The following SLC22A9 variants were observed in gnomAD, a reference collection of about 807,000 sequenced individuals.
SLC22A9 encodes solute carrier family 22 member 9, also known as organic anion transporter 7.
In SLC22A9, 64 loss-of-function variants were observed where a neutral mutation model predicts 50.1. The observed-to-expected ratio is 1.28, with a 90% CI of 1.04 to 1.57. The LOEUF (loss-of-function observed/expected upper bound fraction) is 1.57. Ranked by LOEUF, SLC22A9 falls within the 40% of genes most tolerant of loss-of-function variation. The pLI, the probability that SLC22A9 is intolerant of heterozygous loss-of-function variation, is 0.00. For synonymous variants in SLC22A9, 261 were observed against 242.5 expected, an observed-to-expected ratio of 1.08 and a Z score of -0.71; for missense variants, 757 against 676.1, an observed-to-expected ratio of 1.12 and a Z score of -1.33.
chr11:63,373,543 C>A, intron 2 of SLC22A9, 101 bp from the exon 3 acceptor site: 1 of 1,219,948 alleles, frequency 8.2e-7, no homozygotes, highest in Non-Finnish European at 1.1e-6. Context: ...CAAAGTTTCA[C>A]TTGTTAAACA....
intron 5 of SLC22A9, among the ~76,000 whole-genome samples, chr11:63,380,030 CCAAA>C (rs1325010094): frequency 6.6e-6 from 1 of 151,844 alleles, no homozygotes; most frequent in South Asian, 2.1e-4. Flanking sequence ...TCGTGCCCGG[CCAAA>C]CAAACACTTC....
intron 6 of SLC22A9, among the ~76,000 whole-genome samples, chr11:63,383,856 C>T (rs1386712348): frequency 6.6e-6 from 1 of 152,100 alleles, no homozygotes; most frequent in Non-Finnish European, 1.5e-5. Context: ...AGAGATCATT[C>T]TGGCCAACAT....
At chr11:63,371,333 C>A in intron 2 of SLC22A9, 95 bp downstream of exon 2, 1 of 996,498 alleles carries the variant, frequency 1.0e-6, no homozygotes, top group Non-Finnish European at 1.5e-6. Context: ...AAATTACATT[C>A]TCCTGAGGCT....
intron 7 of SLC22A9, among the ~76,000 whole-genome samples, chr11:63,407,841 C>A (rs574954865): frequency 6.6e-6 from 1 of 152,204 alleles, no homozygotes; most frequent in Non-Finnish European, 1.5e-5. Flanking sequence ...TCAACTTACA[C>A]GCCTCTCTCT....
Position 63,370,459 on chromosome 11 carries a change from G to T in SLC22A9, c.402+1G>T, listed in dbSNP as rs1434688636. 6.3e-7 allele frequency: 1 copy of T among 1,574,938 alleles called. No individual in the cohort carries two copies. The highest frequency in any genetic ancestry group is 8.6e-7 in the Non-Finnish European group (1 of 1,162,172). ...CTTCTCATCCACCATCGTGACTGAG[G>T]TAAGAGGCTCTGTTCTCGTCTCATG... is the stretch of plus-strand genomic sequence containing the variant. On this transcript the variant is annotated splice_donor_variant, in intron 1 of 9. Transcript: ENST00000279178. LOFTEE classifies it high-confidence loss of function.
chr11:63,390,416 C>A (rs2014743425), intron 6 of SLC22A9, among the ~76,000 whole-genome samples: 1 of 152,208 alleles, frequency 6.6e-6, no homozygotes, highest in Middle Eastern at 3.4e-3. Context: ...TTTCCAGCAC[C>A]ATTTATTAGA....
intron 8 of SLC22A9, 22 bp downstream of exon 8, chr11:63,408,242 CT>C (rs752225557): frequency 1.9e-5 from 30 of 1,578,756 alleles, no homozygotes; most frequent in Non-Finnish European, 2.5e-5. Context: ...TAAGTATGCC[CT>C]GTCAGGTTCA....
Position 63,408,873 on chromosome 11 carries a change from A to T in SLC22A9, c.1595A>T (p.Lys532Ile). Reference protein sequence around the residue: ...KPLFDTIQDEKNERKDPREPK... With the variant: ...KPLFDTIQDEINERKDPREPK... ...CTGTTTGACACCATCCAGGATGAGA[A>T]AAATGAGTGAGTAAATAGCCCGGTT... Residue 532 changes from lysine (K) to isoleucine (I), a missense_variant, in exon 9 of 10, where the codon AAA becomes ATA. Physicochemically the swap from Lys to Ile is moderately radical, Grantham distance 102. Coordinates refer to ENST00000279178, the MANE Select transcript of SLC22A9 (RefSeq NM_080866.3). 6.2e-7 allele frequency: 1 copy of T among 1,613,884 alleles called. No individual in the cohort carries two copies. The highest frequency in any genetic ancestry group is 8.5e-7 in the Non-Finnish European group (1 of 1,179,846).
In SLC22A9 at chr11:63,377,732, TA is replaced by T. The variant is rs2014488947; in HGVS notation, c.954+1970del. 2.6e-5 allele frequency among the ~76,000 whole-genome samples: 4 copies of T among 151,846 alleles called. No individual in the cohort carries two copies. The South Asian group carries it at 8.3e-4, about 31-fold the overall frequency. ...AGCTGAACTGAGTGAAATTGAGATG[TA>T]AAAAAGATACATATCAACAAAACCA... On this transcript the variant is annotated intron_variant, in intron 5 of 9. Coordinates refer to ENST00000279178, the MANE Select transcript of SLC22A9 (RefSeq NM_080866.3).
rs1281138269 is a variant in SLC22A9, at chr11:63,371,142, T to C, written c.410T>C (p.Leu137Pro). 6.2e-7 allele frequency: 1 copy of C among 1,612,480 alleles called. No individual in the cohort carries two copies. The highest frequency in any genetic ancestry group is 8.5e-7 in the Non-Finnish European group (1 of 1,178,792). Residue 137 changes from leucine (L) to proline (P), a missense_variant, in exon 2 of 10, where the codon CTG (leucine) becomes CCG (proline). Coordinates refer to ENST00000279178, the MANE Select transcript of SLC22A9 (RefSeq NM_080866.3). ...GGCTTCCTTCTCTTCCAGTGGGATCTGGTATGTGACTCTCAATCACTGACT... is the reference window on the plus strand; with the variant it reads ...GGCTTCCTTCTCTTCCAGTGGGATCCGGTATGTGACTCTCAATCACTGACT... ...FSSTIVTEWD[L>P]VCDSQSLTSV...
intron 6 of SLC22A9, among the ~76,000 whole-genome samples, chr11:63,387,551 A>G (rs971171392): frequency 6.6e-6 from 1 of 152,098 alleles, no homozygotes; most frequent in Non-Finnish European, 1.5e-5. Context: ...TTTGGCTACT[A>G]TAGCTCTGTA....
chr11:63,399,925 C>T (rs951709295), intron 6 of SLC22A9, among the ~76,000 whole-genome samples: 2 of 151,882 alleles, frequency 1.3e-5, no homozygotes, highest in African/African-American at 2.4e-5. Flanking sequence ...ACAATATGCT[C>T]CTAAATGACA....
Position 63,370,110 on chromosome 11 carries a change from C to T in SLC22A9, c.54C>T (p.Ile18=), listed in dbSNP as rs118097636. Residue 18 remains isoleucine (I), a synonymous_variant, in exon 1 of 10, where the codon ATC becomes ATT. Transcript: ENST00000279178. ...CTGGTGACCTGTGGAGATTCCAGAT[C>T]CTTCAGACTGTTTTTCTCTCAATCT... ...GHAGDLWRFQ[I]LQTVFLSIFA... 507 of 1,613,940 alleles carry T rather than the reference C, an allele frequency of 3.1e-4. No homozygotes were observed. Among genetic ancestry groups the T allele is most frequent in the Non-Finnish European group, 4.0e-4 (470 of 1,179,880 alleles).
chr11:63,401,827 T>A (rs1018181689), intron 6 of SLC22A9, among the ~76,000 whole-genome samples: 4 of 152,170 alleles, frequency 2.6e-5, no homozygotes, highest in African/African-American at 9.6e-5. Flanking sequence ...TATCTCATTA[T>A]TGCTTTCATT....
In SLC22A9 at chr11:63,370,425, C is replaced by T. The variant is rs772764375; in HGVS notation, c.369C>T (p.Asp123=). The T allele has an allele frequency of 1.2e-6, 2 of 1,603,314 alleles. No homozygotes were observed. The highest frequency in any genetic ancestry group is 1.7e-5 in the Admixed American group (1 of 58,840). Residue 123 remains aspartate, a synonymous_variant, in exon 1 of 10, where the codon GAC becomes GAT. Coordinates refer to ENST00000279178, the MANE Select transcript of SLC22A9 (RefSeq NM_080866.3). The part of the protein sequence containing the change: ...MEPCVDGWVY[D]RISFSSTIVT... Reference sequence around the variant, plus strand: ...CCTGTGTGGATGGCTGGGTGTATGACAGAATCTCCTTCTCATCCACCATCG... The same window carrying T: ...CCTGTGTGGATGGCTGGGTGTATGATAGAATCTCCTTCTCATCCACCATCG...
intron 2 of SLC22A9, among the ~76,000 whole-genome samples, chr11:63,371,573 C>A (rs2014360418): frequency 6.6e-6 from 1 of 152,092 alleles, no homozygotes; most frequent in Non-Finnish European, 1.5e-5. Flanking sequence ...TCAGCCTTGG[C>A]CAGGAGTACC....
At chr11:63,389,809 G>A (rs1308670288) in intron 6 of SLC22A9, among the ~76,000 whole-genome samples, 1 of 152,134 alleles carries the variant, frequency 6.6e-6, no homozygotes, top group East Asian at 1.9e-4. Context: ...CAGTATAAAA[G>A]TTTTCCTATT....
intron 6 of SLC22A9, among the ~76,000 whole-genome samples, chr11:63,393,673 G>A (rs921196877): frequency 2.6e-5 from 4 of 152,072 alleles, no homozygotes; most frequent in Non-Finnish European, 5.9e-5. Flanking sequence ...CCTGCTGTTA[G>A]TCTGATGGGG....
At position 63,370,367 on chromosome 11, in the gene SLC22A9, C is replaced by T; in HGVS notation, c.311C>T (p.Thr104Ile). The T allele has an allele frequency of 6.2e-7, 1 of 1,613,940 alleles. No homozygotes were observed. Among genetic ancestry groups the T allele is most frequent in the Non-Finnish European group, 8.5e-7 (1 of 1,179,856 alleles). ...TGGCAGCTCCTTCACCTGAATGGGA[C>T]CTTCCCCAACACAAGTGACGCAGAC... ...PQWQLLHLNG[T>I]FPNTSDADME... Residue 104 changes from threonine to isoleucine, a missense_variant, in exon 1 of 10, where the codon ACC (threonine) becomes ATC (isoleucine). Physicochemically the swap from Thr to Ile is moderately conservative, Grantham distance 89. Coordinates refer to ENST00000279178, the MANE Select transcript of SLC22A9 (RefSeq NM_080866.3).
Sources: gnomAD v4.1 joint callset for allele counts (sites outside exome capture counted in the v4.1 genomes callset) on GRCh38, gnomAD v4.1.1 for gene constraint, MANE v1.5 for transcripts, NCBI Gene and HGNC (gene_info 2026-07-23, HGNC 2026-07-21) for gene names.